The following KIF9 variants were observed in gnomAD, a reference collection of about 807,000 sequenced individuals.
KIF9 encodes kinesin family member 9.
A neutral mutation model predicts 94.8 loss-of-function variants in KIF9; 68 were observed. The ratio of observed to expected loss-of-function variants is 0.72; its 90% CI spans 0.59 to 0.88. The LOEUF (loss-of-function observed/expected upper bound fraction) is 0.88, where lower values mean the gene tolerates loss of function less well. Among genes scored for constraint, KIF9 ranks in the 40% least tolerant of loss-of-function variants. The pLI, the probability that KIF9 is intolerant of heterozygous loss-of-function variation, is 0.00. For synonymous variants in KIF9, 343 were observed against 362.1 expected (o/e 0.95, Z 0.60); for missense variants, 882 against 982.5 (o/e 0.90, Z 1.37).
At chr3:47,263,585 T>C in intron 9 of KIF9, 2 of 293,516 alleles carry the variant, frequency 6.8e-6, no homozygotes, top group Non-Finnish European at 6.8e-6. Context: ...GTCCCACTAT[T>C]ACCTCTGCCA....
At chr3:47,235,678 G>C in intron 19 of KIF9, 61 bp from the exon 20 acceptor site, 1 of 1,349,244 alleles carries the variant, frequency 7.4e-7, no homozygotes, top group African/African-American at 1.4e-5. Flanking sequence ...AGAGCCTGTG[G>C]TGTGCATCAG....
chr3:47,261,036 A>G (rs565392752), intron 9 of KIF9, among the ~76,000 whole-genome samples: 1 of 152,286 alleles, frequency 6.6e-6, no homozygotes, highest in Non-Finnish European at 1.5e-5. Context: ...TTTCTCAGGT[A>G]AGGCCAGCAA....
intron 16 of KIF9, among the ~76,000 whole-genome samples, chr3:47,241,529 T>C (rs1244832810): frequency 5.3e-5 from 8 of 150,448 alleles, no homozygotes; most frequent in Non-Finnish European, 5.9e-5. Context: ...TCCATGTTGG[T>C]CAGGCTGGTC....
Position 47,240,909 on chromosome 3 carries a change from G to A in KIF9, c.1816C>T (p.Arg606Trp), listed in dbSNP as rs142672587. The A allele has an allele frequency of 1.1e-5, 18 of 1,613,994 alleles. No homozygotes were observed. The highest frequency in any genetic ancestry group is 8.8e-5 in the South Asian group (8 of 91,076). Reference protein sequence around the residue: ...FKENKSILNERRKRASETTQH... With the variant: ...FKENKSILNEWRKRASETTQH... ...GTGGTCTCGCTGGCCCTTTTCCTCC[G>A]TTCATTCAAGATGGATTTGTTTTCT... Residue 606 changes from arginine to tryptophan, a missense_variant, in exon 17 of 21, where the codon CGG becomes TGG. Physicochemically the swap from Arg to Trp is moderately radical, Grantham distance 101. Coordinates refer to ENST00000684063, the MANE Select transcript of KIF9 (RefSeq NM_182902.4).
Position 47,282,491 on chromosome 3 carries a change from T to G in KIF9, c.-6+4A>C. On this transcript the variant is annotated splice_donor_region_variant and intron_variant, in intron 1 of 20. Coordinates refer to ENST00000684063, the MANE Select transcript of KIF9 (RefSeq NM_182902.4). ...ACTCCCACCGGCGAGCAGCCCCTGC[T>G]CACCGTTCACCAGGCAGCGACGCTC... 1.0e-6 allele frequency: 1 copy of G among 992,934 alleles called. No homozygotes were observed. Among genetic ancestry groups the G allele is most frequent in the African/African-American group, 1.7e-5 (1 of 57,360 alleles). The allele number at this position is 992,934 out of a possible 1,614,324, so 61.5% of individuals were successfully genotyped here. A position where few individuals can be genotyped will look rare whatever the true frequency, so the allele number is the denominator to read the frequency against.
chr3:47,257,545 A>C lies in KIF9; in HGVS notation c.997T>G (p.Phe333Val). ...GTGACTAGCTTCATCCTGCTGGCAA[A>C]TCTCAGTGAAGATAGCTGCAAAACA... ...QLEETLSSLRFASRMKLVTTE... is the reference protein window; with the variant it reads ...QLEETLSSLRVASRMKLVTTE... The change falls in exon 10 of 21, where the codon TTT becomes GTT. Residue 333 changes from phenylalanine to valine, a missense_variant. By Grantham distance (50) the Phe-to-Val change is conservative. Transcript: ENST00000684063. 6.2e-7 allele frequency: 1 copy of C among 1,613,732 alleles called. No individual in the cohort carries two copies. Among genetic ancestry groups the C allele is most frequent in the Non-Finnish European group, 8.5e-7 (1 of 1,180,000 alleles).
chr3:47,240,645 C>G (rs1334734848), intron 17 of KIF9, among the ~76,000 whole-genome samples, 156 bp downstream of exon 17: 1 of 152,114 alleles, frequency 6.6e-6, no homozygotes, highest in East Asian at 1.9e-4. Flanking sequence ...AGGGGCTGAC[C>G]AGAGCTAAGT....
intron 15 of KIF9, chr3:47,244,582 T>C: frequency 1.6e-6 from 1 of 611,396 alleles, no homozygotes; most frequent in Non-Finnish European, 2.9e-6. Flanking sequence ...CCTCACCAGG[T>C]TGCTGTGAGG....
intron 9 of KIF9, among the ~76,000 whole-genome samples, chr3:47,258,315 A>G (rs192533569): frequency 6.6e-6 from 1 of 152,280 alleles, no homozygotes; most frequent in Non-Finnish European, 1.5e-5. Context: ...GCACAGTCAT[A>G]GCTCACTGCA....
At chr3:47,252,203 G>T (rs554380814) in intron 10 of KIF9, among the ~76,000 whole-genome samples, 1 of 152,202 alleles carries the variant, frequency 6.6e-6, no homozygotes, top group Non-Finnish European at 1.5e-5. Flanking sequence ...ATGCTTATCA[G>T]AAAGATTATA....
chr3:47,239,628 C>T, intron 17 of KIF9: 1 of 1,051,232 alleles, frequency 9.5e-7, no homozygotes, highest in African/African-American at 1.7e-5. Context: ...TCATCTGTCA[C>T]CCAGACTGGA....
At chr3:47,251,792 G>A (rs965620699) in intron 10 of KIF9, among the ~76,000 whole-genome samples, 10 of 152,194 alleles carry the variant, frequency 6.6e-5, no homozygotes, top group African/African-American at 2.2e-4. Flanking sequence ...TCTTGGCAGA[G>A]TGGAGTATAC....
intron 1 of KIF9, among the ~76,000 whole-genome samples, chr3:47,278,202 G>C (rs1702099269): frequency 6.6e-6 from 1 of 151,908 alleles, no homozygotes; most frequent in Admixed American, 6.6e-5. Context: ...CTCCCCAGTA[G>C]CTGGGACTAC....
In KIF9 at chr3:47,282,386, C is replaced by A. The variant is rs1472284089; in HGVS notation, c.-6+109G>T. The A allele has an allele frequency of 3.0e-6, 3 of 986,302 alleles. No individual in the cohort carries two copies. In the South Asian group the frequency reaches 1.4e-4, roughly 46 times the overall value. 61.1% of individuals were successfully genotyped at this position (986,302 alleles called of 1,614,324 possible). On this transcript the variant is annotated intron_variant, in intron 1 of 20. Coordinates refer to ENST00000684063, the MANE Select transcript of KIF9 (RefSeq NM_182902.4). ...TGGGTTTCAGAGATGAGCGACCCAG[C>A]TGGGAACCCCCAGATAAAGCGGTTT...
chr3:47,256,838 C>A (rs1700647957), intron 10 of KIF9, among the ~76,000 whole-genome samples: 1 of 152,170 alleles, frequency 6.6e-6, no homozygotes, highest in African/African-American at 2.4e-5. Flanking sequence ...GATCTGTGAC[C>A]TTGCCCCCAA....
At chr3:47,230,078 G>A (rs1698445708) in intron 20 of KIF9, among the ~76,000 whole-genome samples, 1 of 152,222 alleles carries the variant, frequency 6.6e-6, no homozygotes, top group Admixed American at 6.5e-5. Context: ...TGCAAATTCT[G>A]TCTCAATAAA....
intron 10 of KIF9, among the ~76,000 whole-genome samples, chr3:47,249,443 G>A (rs1478483862): frequency 1.3e-5 from 2 of 152,136 alleles, no homozygotes; most frequent in Non-Finnish European, 2.9e-5. Flanking sequence ...ACTGTGCCTG[G>A]CCTCACCTCT....
At chr3:47,256,429 G>A (rs1236148648) in intron 10 of KIF9, among the ~76,000 whole-genome samples, 1 of 152,060 alleles carries the variant, frequency 6.6e-6, no homozygotes, top group Non-Finnish European at 1.5e-5. Flanking sequence ...TCTGGGAAGT[G>A]AGGAGCATCT....
chr3:47,239,944 G>A, intron 17 of KIF9: 1 of 1,367,238 alleles, frequency 7.3e-7, no homozygotes, highest in Non-Finnish European at 9.8e-7. Context: ...ACTGAGCCAG[G>A]AGTGTGAAGA....
Sources: allele counts gnomAD v4.1 joint callset (sites outside exome capture counted in the v4.1 genomes callset), GRCh38; gene constraint gnomAD v4.1.1; transcripts MANE v1.5; gene names NCBI Gene and HGNC (gene_info 2026-07-23, HGNC 2026-07-21).